The following CYCS variants were observed in gnomAD, a reference collection of about 807,000 sequenced individuals.
CYCS encodes the protein cytochrome c, somatic.
For synonymous variants in CYCS, 41 were observed against 43.0 expected (o/e 0.95, Z 0.18); for missense variants, 87 against 125.3 (o/e 0.69, Z 1.46).
In CYCS at chr7:25,119,259, A is replaced by G. The variant is rs560012963; in HGVS notation, c.*4442T>C. Among the ~76,000 whole-genome samples the G allele has an allele frequency of 1.3e-5, 2 of 152,286 alleles. No individual in the cohort carries two copies. The highest frequency in any genetic ancestry group is 6.5e-5 in the Admixed American group (1 of 15,292). Reference sequence around the variant, plus strand: ...GATTGCCAAAAGAGCTCATGAATGAATATTTTCCATTCTAAGGAAACTTTT... The same window carrying G: ...GATTGCCAAAAGAGCTCATGAATGAGTATTTTCCATTCTAAGGAAACTTTT... On this transcript the variant is annotated 3_prime_UTR_variant, in exon 3 of 3. Coordinates refer to ENST00000305786, the MANE Select transcript of CYCS (RefSeq NM_018947.6).
At chr7:25,123,929 T>C (rs1783401068) in intron 2 of CYCS, 22 bp downstream of exon 2, 1 of 1,614,108 alleles carries the variant, frequency 6.2e-7, no homozygotes, top group African/African-American at 1.3e-5. Context: ...TTGTGTTGTT[T>C]TATTTAACAA....
At chr7:25,123,876 T>C (rs375126996) in intron 2 of CYCS, 27 bp from the exon 3 acceptor site, 15 of 1,614,100 alleles carry the variant, frequency 9.3e-6, no homozygotes, top group South Asian at 8.8e-5. Context: ...GCATCGGTTA[T>C]TTCACACTCC....
At chr7:25,124,668 G>A (rs186644841) in intron 1 of CYCS, 39 of 177,378 alleles carry the variant, frequency 2.2e-4, no homozygotes, top group Admixed American at 1.8e-3. Context: ...ACGGTCCCCC[G>A]GGGACATCCC....
At chr7:25,124,577 G>C (rs1783415372) in intron 1 of CYCS, 1 of 235,226 alleles carries the variant, frequency 4.3e-6, no homozygotes, top group Admixed American at 5.2e-5. Flanking sequence ...TTAAAAAGCG[G>C]TCCTGGCTGT....
At position 25,123,700 on chromosome 7, in the gene CYCS, A is replaced by T; in HGVS notation, c.*1T>A. ...GTAATAAATAAGGCAGTGGCCAATT[A>T]TTACTCATTAGTAGCTTTTTTGAGA... On this transcript the variant is annotated 3_prime_UTR_variant, in exon 3 of 3. Coordinates refer to ENST00000305786, the MANE Select transcript of CYCS (RefSeq NM_018947.6). The T allele has an allele frequency of 6.3e-7, 1 of 1,599,416 alleles. No homozygotes were observed. Among genetic ancestry groups the T allele is most frequent in the Non-Finnish European group, 8.5e-7 (1 of 1,179,710 alleles).
In CYCS at chr7:25,119,201, C is replaced by T. The variant is rs1343843254; in HGVS notation, c.*4500G>A. 6.6e-6 allele frequency among the ~76,000 whole-genome samples: 1 copy of T among 152,220 alleles called. No homozygotes were observed. The highest frequency in any genetic ancestry group is 2.4e-5 in the African/African-American group (1 of 41,442). ...ATAGCTCTCGCCCCCAACTTGGCAA[C>T]ATCTTATTGGTTTTCAGAATATACT... On this transcript the variant is annotated 3_prime_UTR_variant, in exon 3 of 3. Transcript: ENST00000305786.
rs760867998 is a variant in CYCS at position 25,123,865 on chromosome 7, T to C, written c.170-16A>G. The stretch of plus-strand genomic sequence containing the variant: ...CAGATGATGCCTAAACAAGAAAGAA[T>C]GCATCGGTTATTTCACACTCCTGAT... On this transcript the variant is annotated splice_polypyrimidine_tract_variant and intron_variant, in intron 2 of 2. Transcript: ENST00000305786. The C allele has an allele frequency of 1.5e-4, 235 of 1,614,208 alleles. 1 individual carries two copies. The East Asian group carries it at 5.2e-3, about 35-fold the overall frequency.
rs1430327571 is a variant in CYCS at position 25,121,466 on chromosome 7, C to T, written c.*2235G>A. 3 of 152,168 alleles carry T rather than the reference C, an allele frequency of 2.0e-5. No individual in the cohort carries two copies. Among genetic ancestry groups the T allele is most frequent in the Admixed American group, 6.5e-5 (1 of 15,274 alleles). The allele number at this position is 152,168 out of a possible 1,614,324, so 9.4% of individuals were successfully genotyped here. Reference sequence around the variant, plus strand: ...GCTGAGGCAGGAGAATCACTTGCAACTGGAAGGCGGAGGTTGCAGTGAGAT... The same window carrying T: ...GCTGAGGCAGGAGAATCACTTGCAATTGGAAGGCGGAGGTTGCAGTGAGAT... On this transcript the variant is annotated 3_prime_UTR_variant, in exon 3 of 3. Coordinates refer to ENST00000305786, the MANE Select transcript of CYCS (RefSeq NM_018947.6).
rs1443838873 is a variant in CYCS, at chr7:25,121,770, C to T, written c.*1931G>A. On this transcript the variant is annotated 3_prime_UTR_variant, in exon 3 of 3. Coordinates refer to ENST00000305786, the MANE Select transcript of CYCS (RefSeq NM_018947.6). ...ACCACATGGCAAAACTCCATCTCTA[C>T]AAAAAAATTAGCTGGGCATGGTGGC... is the stretch of plus-strand genomic sequence containing the variant. 1 of 151,900 alleles carries T rather than the reference C, an allele frequency of 6.6e-6. No individual in the cohort carries two copies. The highest frequency in any genetic ancestry group is 1.5e-5 in the Non-Finnish European group (1 of 68,016). 9.4% of individuals were successfully genotyped at this position (151,900 alleles called of 1,614,324 possible).
Position 25,124,366 on chromosome 7 carries a change from G to A in CYCS, c.-8-239C>T, listed in dbSNP as rs141151410. 3.1e-3 allele frequency among the ~76,000 whole-genome samples: 477 copies of A among 152,192 alleles called. 5 individuals carry two copies. Among genetic ancestry groups the A allele is most frequent in the African/African-American group, 0.011 (457 of 41,530 alleles). ...TGTGTATACGTGAAGGAACGTTAAA[G>A]CCCAAGCAAAGAGGGAACCTAATTC... On this transcript the variant is annotated intron_variant, in intron 1 of 2. Transcript: ENST00000305786.
Position 25,119,086 on chromosome 7 carries a change from C to T in CYCS, c.*4615G>A, listed in dbSNP as rs1310556431. On this transcript the variant is annotated 3_prime_UTR_variant, in exon 3 of 3. Coordinates refer to ENST00000305786, the MANE Select transcript of CYCS (RefSeq NM_018947.6). The stretch of plus-strand genomic sequence containing the variant: ...GCCAAAGCAGCAGCTCAGTATGTAC[C>T]CCGACAGTGCCTAGAAGAGACTTAT... Among the ~76,000 whole-genome samples the T allele has an allele frequency of 6.6e-6, 1 of 152,128 alleles. No individual in the cohort carries two copies. Among genetic ancestry groups the T allele is most frequent in the African/African-American group, 2.4e-5 (1 of 41,420 alleles).
At chr7:25,124,257 T>C (rs1277053666) in intron 1 of CYCS, 130 bp from the exon 2 acceptor site, 8 of 773,944 alleles carry the variant, frequency 1.0e-5, no homozygotes, top group Non-Finnish European at 1.8e-5. Flanking sequence ...GAATGAATCT[T>C]GTTTTGCTTT....
In CYCS at chr7:25,122,307, C is replaced by T. The variant is rs1399207883; in HGVS notation, c.*1394G>A. The T allele has an allele frequency of 3.3e-5, 5 of 152,288 alleles. No individual in the cohort carries two copies. Among genetic ancestry groups the T allele is most frequent in the African/African-American group, 1.2e-4 (5 of 41,538 alleles). The allele number at this position is 152,288 out of a possible 1,614,324, so 9.4% of individuals were successfully genotyped here. ...AATAAGACTCATATGTTATAAATTG[C>T]TTTCAGGCCTTAAAACACCTATCTA... On this transcript the variant is annotated 3_prime_UTR_variant, in exon 3 of 3. Transcript: ENST00000305786.
At position 25,121,727 on chromosome 7, in the gene CYCS, G is replaced by C. The variant is rs1438106589; in HGVS notation, c.*1974C>G. The C allele has an allele frequency of 6.6e-6, 1 of 152,170 alleles. No homozygotes were observed. Among genetic ancestry groups the C allele is most frequent in the Non-Finnish European group, 1.5e-5 (1 of 68,082 alleles). 9.4% of individuals were successfully genotyped at this position (152,170 alleles called of 1,614,324 possible). A position where few individuals can be genotyped will look rare whatever the true frequency, so the allele number is the denominator to read the frequency against. ...GTGGACGGATTGCTTGAGCTCAGGAGTTTGAGACCAGCCTGGGACCACATG... is the reference window on the plus strand; with the variant it reads ...GTGGACGGATTGCTTGAGCTCAGGACTTTGAGACCAGCCTGGGACCACATG... On this transcript the variant is annotated 3_prime_UTR_variant, in exon 3 of 3. Coordinates refer to ENST00000305786, the MANE Select transcript of CYCS (RefSeq NM_018947.6).
At chr7:25,124,809 C>T (rs1341280196) in intron 1 of CYCS, 1 of 153,164 alleles carries the variant, frequency 6.5e-6, no homozygotes, top group East Asian at 1.9e-4. Context: ...ACGAAAAGAA[C>T]TGGCCCCTTA....
In CYCS at chr7:25,121,539, G is replaced by GA. The variant is rs981724655; in HGVS notation, c.*2161dup. 52 of 151,854 alleles carry GA rather than the reference G, an allele frequency of 3.4e-4. No individual in the cohort carries two copies. The highest frequency in any genetic ancestry group is 1.2e-3 in the African/African-American group (51 of 41,306). The allele number at this position is 151,854 out of a possible 1,614,324, so 9.4% of individuals were successfully genotyped here. A position where few individuals can be genotyped will look rare whatever the true frequency, so the allele number is the denominator to read the frequency against. On this transcript the variant is annotated 3_prime_UTR_variant, in exon 3 of 3. Transcript: ENST00000305786. ...GCGAAAAGGGCGAAACTCCGTCTCA[G>GA]AAAAAATAAATGAGAAAAATTTTAA...
At position 25,122,362 on chromosome 7, in the gene CYCS, T is replaced by C. The variant is rs910514299; in HGVS notation, c.*1339A>G. 5 of 152,228 alleles carry C rather than the reference T, an allele frequency of 3.3e-5. No individual in the cohort carries two copies. The highest frequency in any genetic ancestry group is 9.6e-5 in the African/African-American group (4 of 41,452). The allele number at this position is 152,228 out of a possible 1,614,324, so 9.4% of individuals were successfully genotyped here. A position where few individuals can be genotyped will look rare whatever the true frequency, so the allele number is the denominator to read the frequency against. On this transcript the variant is annotated 3_prime_UTR_variant, in exon 3 of 3. Transcript: ENST00000305786. ...TCCCTATCACCTTTGAGACCATGGA[T>C]TCACATCTTCTCAGTCTTCTCACTG...
rs1277108097 is a variant in CYCS at position 25,120,978 on chromosome 7, G to C, written c.*2723C>G. ...TGTCTCTACTAAAAACACAAAATAAGCTGGGCATGGTGGCGCATGCTTGTA... is the reference window on the plus strand; with the variant it reads ...TGTCTCTACTAAAAACACAAAATAACCTGGGCATGGTGGCGCATGCTTGTA... On this transcript the variant is annotated 3_prime_UTR_variant, in exon 3 of 3. Transcript: ENST00000305786. 1 of 152,162 alleles carries C rather than the reference G, an allele frequency of 6.6e-6. No homozygotes were observed. Among genetic ancestry groups the C allele is most frequent in the Non-Finnish European group, 1.5e-5 (1 of 68,048 alleles). 9.4% of individuals were successfully genotyped at this position (152,162 alleles called of 1,614,324 possible). A position where few individuals can be genotyped will look rare whatever the true frequency, so the allele number is the denominator to read the frequency against.
rs1783314112 is a variant in CYCS at position 25,118,812 on chromosome 7, T to C, written c.*4889A>G. Among the ~76,000 whole-genome samples the C allele has an allele frequency of 6.6e-6, 1 of 151,882 alleles. No individual in the cohort carries two copies. Among genetic ancestry groups the C allele is most frequent in the African/African-American group, 2.4e-5 (1 of 41,450 alleles). On this transcript the variant is annotated 3_prime_UTR_variant, in exon 3 of 3. Transcript: ENST00000305786. ...AAATGTTTAAATTTAAAATGTTAAA[T>C]TTAACATTTTAACATGTTTAAATGT...
Sources: gnomAD v4.1 joint callset for allele counts (sites outside exome capture counted in the v4.1 genomes callset) on GRCh38, gnomAD v4.1.1 for gene constraint, MANE v1.5 for transcripts, NCBI Gene and HGNC (gene_info 2026-07-23, HGNC 2026-07-21) for gene names.